Variants in KCNJ3 observed in about 807,000 individuals in gnomAD.
The protein encoded by KCNJ3 is potassium inwardly rectifying channel subfamily J member 3.
In KCNJ3, 4 loss-of-function variants were observed where a neutral mutation model predicts 39.2. The ratio of observed to expected loss-of-function variants is 0.10; its 90% confidence interval spans 0.05 to 0.23. KCNJ3 has a LOEUF of 0.23. Ranked by LOEUF, KCNJ3 falls within the 10% of genes least tolerant of loss-of-function variation. KCNJ3 has a pLI of 1.00. For synonymous variants in KCNJ3, 230 were observed against 237.4 expected (o/e 0.97, Z 0.29); for missense variants, 276 against 634.9 (o/e 0.43, Z 6.08).
chr2:154,772,633 G>A (rs1408952805), intron 2 of KCNJ3, among the ~76,000 whole-genome samples: 1 of 152,074 alleles, frequency 6.6e-6, no homozygotes, highest in African/African-American at 2.4e-5. Flanking sequence ...TGTTAAAAAA[G>A]AATATGTACT....
rs186696894 is a variant in KCNJ3 at position 154,840,862 on chromosome 2, G to A, written c.920-13865G>A. On this transcript the variant is annotated intron_variant, in intron 2 of 2. Transcript: ENST00000295101. ...AGATGATGGGGTTTTCTAAATATAC[G>A]ATCATGTCATCTGCAAACAGGGACA... is the stretch of plus-strand genomic sequence containing the variant. Among the ~76,000 whole-genome samples the A allele has an allele frequency of 3.5e-3, 532 of 152,040 alleles. 2 individuals are homozygous for A. Among genetic ancestry groups the A allele is most frequent in the Middle Eastern group, 6.8e-3 (2 of 292 alleles).
Position 154,857,916 on chromosome 2 carries a change from A to AG in KCNJ3, c.*2603_*2604insG, listed in dbSNP as rs1687869431. On this transcript the variant is annotated 3_prime_UTR_variant, in exon 3 of 3. Transcript: ENST00000295101. ...AAAAAAAAAAAAAAAAAAAAAAAAA[A>AG]AAAAAAAAAAAGAATAAAAACAGGG... is the stretch of plus-strand genomic sequence containing the variant. 8.0e-6 allele frequency: 1 copy of AG among 125,002 alleles called. No individual in the cohort carries two copies. The highest frequency in any genetic ancestry group is 2.7e-5 in the African/African-American group (1 of 36,604). The allele number at this position is 125,002 out of a possible 1,614,324, so 7.7% of individuals were successfully genotyped here.
intron 2 of KCNJ3, among the ~76,000 whole-genome samples, chr2:154,844,323 C>T (rs1275662783): frequency 1.3e-5 from 2 of 152,164 alleles, no homozygotes; most frequent in Non-Finnish European, 2.9e-5. Flanking sequence ...CTGGAAACTT[C>T]GTCCCAGAGG....
chr2:154,735,853 A>G (rs1438830936), intron 2 of KCNJ3, among the ~76,000 whole-genome samples: 1 of 152,238 alleles, frequency 6.6e-6, no homozygotes, highest in Non-Finnish European at 1.5e-5. Context: ...AAAGCAAAAG[A>G]AAACTGAGTA....
chr2:154,775,257 G>T (rs1283748245), intron 2 of KCNJ3, among the ~76,000 whole-genome samples: 1 of 151,998 alleles, frequency 6.6e-6, no homozygotes, highest in South Asian at 2.1e-4. Flanking sequence ...CAAAAGAATT[G>T]CCTTCTTCAT....
At chr2:154,787,806 T>C (rs1052362954) in intron 2 of KCNJ3, among the ~76,000 whole-genome samples, 1 of 152,180 alleles carries the variant, frequency 6.6e-6, no homozygotes, top group Non-Finnish European at 1.5e-5. Flanking sequence ...TCTCTTCCAT[T>C]TGAAAACTTG....
Position 154,710,013 on chromosome 2 carries a change from A to C in KCNJ3, c.919+194A>C, listed in dbSNP as rs570025761. Among the ~76,000 whole-genome samples, 6 of 152,304 alleles carry C rather than the reference A, an allele frequency of 3.9e-5. 1 individual carries two copies. In the East Asian group the frequency reaches 1.2e-3, roughly 29 times the overall value. On this transcript the variant is annotated intron_variant, in intron 2 of 2. Coordinates refer to ENST00000295101, the MANE Select transcript of KCNJ3 (RefSeq NM_002239.4). ...TAAAATGTACTGTTTTGATGGTTACATAGATAATATTAACTCTGGAACACT... is the reference window on the plus strand; with the variant it reads ...TAAAATGTACTGTTTTGATGGTTACCTAGATAATATTAACTCTGGAACACT...
At chr2:154,748,232 C>T (rs944709821) in intron 2 of KCNJ3, among the ~76,000 whole-genome samples, 2 of 151,994 alleles carry the variant, frequency 1.3e-5, no homozygotes, top group Non-Finnish European at 1.5e-5. Context: ...CTAAATAACA[C>T]TCTTTTTATA....
chr2:154,788,047 A>T (rs1386666334), intron 2 of KCNJ3, among the ~76,000 whole-genome samples: 2 of 152,166 alleles, frequency 1.3e-5, no homozygotes, highest in African/African-American at 4.8e-5. Context: ...TAAGAAGTGG[A>T]ACAGCTGATA....
chr2:154,829,919 CAGAT>C (rs539568396), intron 2 of KCNJ3, among the ~76,000 whole-genome samples: 15 of 151,962 alleles, frequency 9.9e-5, no homozygotes, highest in Non-Finnish European at 1.3e-4. Context: ...TTGTTGGTGA[CAGAT>C]ATATCTTCTT....
At chr2:154,779,087 A>C (rs1005828598) in intron 2 of KCNJ3, among the ~76,000 whole-genome samples, 3 of 152,150 alleles carry the variant, frequency 2.0e-5, no homozygotes, top group Admixed American at 2.0e-4. Flanking sequence ...AAATGAAATA[A>C]AAATTATCAC....
chr2:154,846,070 A>G lies in KCNJ3; in HGVS notation c.920-8657A>G, dbSNP rs149185531. The stretch of plus-strand genomic sequence containing the variant: ...AAAGGTAGTGCTTTGTCAACACAGC[A>G]GATAAATCAATTATATTTTTGAGAA... On this transcript the variant is annotated intron_variant, in intron 2 of 2. Transcript: ENST00000295101. 2.2e-3 allele frequency among the ~76,000 whole-genome samples: 331 copies of G among 152,320 alleles called. 2 individuals carry two copies. Among genetic ancestry groups the G allele is most frequent in the African/African-American group, 7.7e-3 (319 of 41,576 alleles).
chr2:154,749,350 G>A (rs1296215954), intron 2 of KCNJ3, among the ~76,000 whole-genome samples: 2 of 152,082 alleles, frequency 1.3e-5, no homozygotes, highest in East Asian at 3.9e-4. Context: ...ATGCTCAAAA[G>A]TTTTAGCAGA....
intron 2 of KCNJ3, among the ~76,000 whole-genome samples, chr2:154,853,171 A>G (rs1184539920): frequency 6.6e-6 from 1 of 151,636 alleles, no homozygotes; most frequent in Non-Finnish European, 1.5e-5. Flanking sequence ...GGAAGAAGAG[A>G]GAGAGCACCT....
In KCNJ3 at chr2:154,698,851, C is replaced by T; in HGVS notation, c.76C>T (p.Pro26Ser). The T allele has an allele frequency of 1.2e-6, 2 of 1,614,148 alleles. No homozygotes were observed. The highest frequency in any genetic ancestry group is 1.7e-6 in the Non-Finnish European group (2 of 1,180,012). Residue 26 changes from proline to serine, a missense_variant, in exon 1 of 3, where the codon CCC becomes TCC. Around this residue, in one of 4 missense-constraint regions of KCNJ3, gnomAD observed 27 missense variants for 48.5 expected, o/e 0.56. Transcript: ENST00000295101. Reference protein sequence around the residue: ...TTSSSGSGLQPQGPGQDPQQQ... With the variant: ...TTSSSGSGLQSQGPGQDPQQQ... ...ATCGTCCAGCGGCTCGGGCTTGCAG[C>T]CCCAGGGGCCAGGCCAGGACCCTCA...
chr2:154,724,917 G>GTATATATATAGATATA (rs1553454964), intron 2 of KCNJ3, among the ~76,000 whole-genome samples: 1 of 116,316 alleles, frequency 8.6e-6, no homozygotes, highest in African/African-American at 3.5e-5. Flanking sequence ...TACATATGAG[G>GTATATATATAGATATA]TATATATATA....
chr2:154,770,322 A>G (rs1276322054), intron 2 of KCNJ3, among the ~76,000 whole-genome samples: 1 of 152,210 alleles, frequency 6.6e-6, no homozygotes. Flanking sequence ...TCTTAGAAAG[A>G]GGAGTAGAAT....
intron 2 of KCNJ3, among the ~76,000 whole-genome samples, chr2:154,763,540 G>T (rs942937431): frequency 3.3e-5 from 5 of 152,104 alleles, no homozygotes; most frequent in African/African-American, 9.7e-5. Flanking sequence ...CTTTATGAGA[G>T]AAAGATTTGG....
chr2:154,769,113 A>G (rs1318102291), intron 2 of KCNJ3, among the ~76,000 whole-genome samples: 3 of 152,154 alleles, frequency 2.0e-5, no homozygotes, highest in Non-Finnish European at 4.4e-5. Context: ...TTTTAGATAT[A>G]CAATCATGTC....
Sources: allele counts gnomAD v4.1 joint callset (sites outside exome capture counted in the v4.1 genomes callset), GRCh38; gene constraint gnomAD v4.1.1; regional missense constraint gnomAD v4.1.1; transcripts MANE v1.5; gene names NCBI Gene and HGNC (gene_info 2026-07-23, HGNC 2026-07-21).